Variants in RAG1 observed in about 807,000 individuals in gnomAD.
The protein encoded by RAG1 is recombination activating 1, also known as V(D)J recombination-activating protein 1.
In RAG1, 35 loss-of-function variants were observed where a neutral mutation model predicts 62.7. The ratio of observed to expected loss-of-function variants is 0.56; its 90% CI spans 0.43 to 0.74. The LOEUF is 0.74. RAG1 is among the 30% of genes least tolerant of loss of function. The probability of loss-of-function intolerance (pLI) is 0.00; values close to 1 mark genes in which losing one functional copy is unlikely to be tolerated. For missense variants in RAG1, 1,169 were observed against 1,278.6 expected (o/e 0.91, Z 1.31); for synonymous variants, 461 against 470.3 (o/e 0.98, Z 0.26).
At chr11:36,559,322 G>A (rs548249193) in intron 3 of RAG1, among the ~76,000 whole-genome samples, 8 of 152,214 alleles carry the variant, frequency 5.3e-5, no homozygotes, top group African/African-American at 1.9e-4. Flanking sequence ...AATTTTGACA[G>A]TTTGACTATA....
At chr11:36,572,941 C>A (rs142236848) in intron 1 of RAG1, among the ~76,000 whole-genome samples, 12 of 152,228 alleles carry the variant, frequency 7.9e-5, no homozygotes, top group African/African-American at 2.6e-4. Context: ...ATTTACTGAA[C>A]AAATAACTAT....
intron 3 of RAG1, among the ~76,000 whole-genome samples, chr11:36,544,090 G>A (rs1850355319): frequency 6.6e-6 from 1 of 152,118 alleles, no homozygotes. Context: ...ACTTCCTTTA[G>A]CCACTTTTTT....
upstream of RAG1, among the ~76,000 whole-genome samples, chr11:36,563,122 G>A (rs1188555819): frequency 6.6e-6 from 1 of 152,148 alleles, no homozygotes; most frequent in East Asian, 1.9e-4. Flanking sequence ...ACCCATTTAA[G>A]GCTTGTGATG....
intron 3 of RAG1, among the ~76,000 whole-genome samples, chr11:36,550,236 C>T (rs1489175714): frequency 1.3e-5 from 2 of 152,046 alleles, no homozygotes; most frequent in Non-Finnish European, 2.9e-5. Flanking sequence ...ATGTCCTGCA[C>T]ATGTATCCCA....
At chr11:36,534,321 G>C (rs1480925865) in intron 2 of RAG1, among the ~76,000 whole-genome samples, 3 of 152,132 alleles carry the variant, frequency 2.0e-5, no homozygotes, top group African/African-American at 7.2e-5. Flanking sequence ...TGGAGAAAGA[G>C]AAAAAGAAAG....
At position 36,578,213 on chromosome 11, in the gene RAG1, A is replaced by G. The variant is rs1850881221; in HGVS notation, c.*1777A>G. ...AAGTGCATCGGCGACATTATCTTTAATTGTATGTATTTGGTGCTTCTTCAG... is the reference window on the plus strand; with the variant it reads ...AAGTGCATCGGCGACATTATCTTTAGTTGTATGTATTTGGTGCTTCTTCAG... On this transcript the variant is annotated 3_prime_UTR_variant, in exon 2 of 2. Coordinates refer to ENST00000299440, the MANE Select transcript of RAG1 (RefSeq NM_000448.3). 2 of 167,092 alleles carry G rather than the reference A, an allele frequency of 1.2e-5. No homozygotes were observed. The highest frequency in any genetic ancestry group is 4.1e-4 in the South Asian group (2 of 4,830). 10.4% of individuals were successfully genotyped at this position (167,092 alleles called of 1,614,324 possible). A position where few individuals can be genotyped will look rare whatever the true frequency, so the allele number is the denominator to read the frequency against.
chr11:36,574,879 T>G lies in RAG1; in HGVS notation c.1575T>G (p.Pro525=). ...ACCACCACTTTGAGTGGCAGCCACC[T>G]CTGAAGAATGTGTCTTCCAGCACTG... ...PGYHHFEWQP[P]LKNVSSSTDV... The change falls in exon 2 of 2, where the codon CCT becomes CCG. Residue 525 remains proline, a synonymous_variant. Transcript: ENST00000299440. 1 of 1,614,254 alleles carries G rather than the reference T, an allele frequency of 6.2e-7. No homozygotes were observed. Among genetic ancestry groups the G allele is most frequent in the Non-Finnish European group, 8.5e-7 (1 of 1,180,036 alleles).
chr11:36,536,634 A>ATCAAT (rs1554941793), downstream of RAG1, among the ~76,000 whole-genome samples: 3 of 151,560 alleles, frequency 2.0e-5, no homozygotes, highest in East Asian at 3.8e-4. Flanking sequence ...TAAAAGACAA[A>ATCAAT]TAAGAAGAAA....
chr11:36,526,060 C>CA (rs1692537354), intron 2 of RAG1, among the ~76,000 whole-genome samples: 1 of 152,150 alleles, frequency 6.6e-6, no homozygotes, highest in Non-Finnish European at 1.5e-5. Flanking sequence ...AAATTCTTCT[C>CA]ATATATTGTT....
chr11:36,566,957 A>G (rs940935868), upstream of RAG1, among the ~76,000 whole-genome samples: 1 of 152,218 alleles, frequency 6.6e-6, no homozygotes, highest in Non-Finnish European at 1.5e-5. Context: ...TCAGACAAGC[A>G]AGGAATCTCT....
intron 3 of RAG1, among the ~76,000 whole-genome samples, chr11:36,557,852 A>C (rs1850526019): frequency 6.6e-6 from 1 of 152,094 alleles, no homozygotes; most frequent in Non-Finnish European, 1.5e-5. Flanking sequence ...TTTTAATATG[A>C]CCTTTCATGT....
intron 1 of RAG1, among the ~76,000 whole-genome samples, chr11:36,519,408 A>G (rs1188691440): frequency 1.3e-5 from 2 of 152,368 alleles, no homozygotes; most frequent in East Asian, 3.9e-4. Context: ...ACTTATATTT[A>G]CTTCAAACAC....
chr11:36,533,325 A>G (rs537611583), intron 2 of RAG1, among the ~76,000 whole-genome samples: 1 of 152,312 alleles, frequency 6.6e-6, no homozygotes, highest in Non-Finnish European at 1.5e-5. Flanking sequence ...TCAGCTTACA[A>G]TGAATCCTCA....
chr11:36,579,662 TCAATAC>T lies in RAG1; in HGVS notation c.*3227_*3232del, dbSNP rs1850908755. On this transcript the variant is annotated 3_prime_UTR_variant, in exon 2 of 2. Transcript: ENST00000299440. ...TTTCAAATAAAATGAAATATGAGTT[TCAATAC>T]TTTTTATATTTTAATATTTCCATTC... The T allele has an allele frequency of 6.0e-6, 1 of 166,988 alleles. No homozygotes were observed. Among genetic ancestry groups the T allele is most frequent in the Non-Finnish European group, 1.5e-5 (1 of 68,090 alleles). The allele number at this position is 166,988 out of a possible 1,614,324, so 10.3% of individuals were successfully genotyped here.
intron 2 of RAG1, among the ~76,000 whole-genome samples, chr11:36,529,760 G>C (rs955169868): frequency 5.9e-5 from 9 of 152,024 alleles, no homozygotes; most frequent in African/African-American, 2.2e-4. Context: ...CTGTATTCAG[G>C]AAGGATATTG....
chr11:36,573,626 C>G lies in RAG1; in HGVS notation c.322C>G (p.Arg108Gly), dbSNP rs193922464. ...CAAAGCGATCCATCAAGCCAACCTT[C>G]GACATCTCTGCCGCATCTGTGGGAA... ...RGKAIHQANL[R>G]HLCRICGNSF... The change falls in exon 2 of 2, where the codon CGA becomes GGA. Residue 108 changes from arginine to glycine, a missense_variant. By Grantham distance (125) the Arg-to-Gly change is moderately radical. Coordinates refer to ENST00000299440, the MANE Select transcript of RAG1 (RefSeq NM_000448.3). 1 of 1,614,140 alleles carries G rather than the reference C, an allele frequency of 6.2e-7. No homozygotes were observed. Among genetic ancestry groups the G allele is most frequent in the Admixed American group, 1.7e-5 (1 of 60,026 alleles).
intron 2 of RAG1, among the ~76,000 whole-genome samples, chr11:36,527,139 T>C (rs1860175327): frequency 6.6e-6 from 1 of 152,232 alleles, no homozygotes; most frequent in Non-Finnish European, 1.5e-5. Flanking sequence ...TTTGGTGTTT[T>C]AGTCATGAAG....
At chr11:36,522,812 T>C (rs1797973105) in intron 2 of RAG1, among the ~76,000 whole-genome samples, 1 of 152,220 alleles carries the variant, frequency 6.6e-6, no homozygotes, top group South Asian at 2.1e-4. Flanking sequence ...GTGACCTGGA[T>C]TTGAGACATG....
chr11:36,536,265 T>C (rs934739886), downstream of RAG1, among the ~76,000 whole-genome samples: 8 of 152,180 alleles, frequency 5.3e-5, no homozygotes, highest in Admixed American at 5.2e-4. Context: ...TAAGTAAATT[T>C]TGATATATTA....
Sources: gnomAD v4.1 joint callset for allele counts (sites outside exome capture counted in the v4.1 genomes callset) on GRCh38, gnomAD v4.1.1 for gene constraint, MANE v1.5 for transcripts, NCBI Gene and HGNC (gene_info 2026-07-23, HGNC 2026-07-21) for gene names.